The following NPAS2 variants were observed in gnomAD, a reference collection of about 807,000 sequenced individuals.
The protein encoded by NPAS2 is neuronal PAS domain protein 2.
Under a neutral mutation model 107.5 loss-of-function variants are expected in NPAS2, and 23 were observed. The observed-to-expected ratio is 0.21, with a 90% CI of 0.15 to 0.30. The LOEUF (loss-of-function observed/expected upper bound fraction) is 0.30. NPAS2 is among the 10% of genes least tolerant of loss of function. NPAS2 has a pLI of 1.00. For synonymous variants in NPAS2, 403 were observed against 417.5 expected (o/e 0.97, Z 0.42); for missense variants, 756 against 1,043.3 (o/e 0.72, Z 3.79).
chr2:100,988,240 G>T lies in NPAS2; in HGVS notation c.1791G>T (p.Gln597His). The T allele has an allele frequency of 6.2e-7, 1 of 1,614,024 alleles. No individual in the cohort carries two copies. Among genetic ancestry groups the T allele is most frequent in the Non-Finnish European group, 8.5e-7 (1 of 1,180,030 alleles). ...GQISSAQVTS[Q>H]HLLRESSVIS... ...TCTCCTCTGCCCAGGTCACAAGCCAGCACCTGCTCAGAGAATCAAGTGTGA... is the reference window on the plus strand; with the variant it reads ...TCTCCTCTGCCCAGGTCACAAGCCATCACCTGCTCAGAGAATCAAGTGTGA... Residue 597 changes from glutamine to histidine, a missense_variant, in exon 17 of 21, where the codon CAG becomes CAT. Around this residue, in one of 4 missense-constraint regions of NPAS2, gnomAD observed 496 missense variants for 594.4 expected, o/e 0.83. Coordinates refer to ENST00000335681, the MANE Select transcript of NPAS2 (RefSeq NM_002518.4).
chr2:100,947,270 G>T (rs1284486234), intron 5 of NPAS2, among the ~76,000 whole-genome samples: 1 of 152,150 alleles, frequency 6.6e-6, no homozygotes, highest in Non-Finnish European at 1.5e-5. Context: ...AATTAAATGG[G>T]CCAGGCTTGA....
chr2:100,856,607 A>T (rs1286982060), intron 1 of NPAS2, among the ~76,000 whole-genome samples: 1 of 151,400 alleles, frequency 6.6e-6, no homozygotes, highest in East Asian at 1.9e-4. Context: ...AGTGGAAATA[A>T]TGCTCACAGA....
At chr2:100,931,648 G>C (rs925387421) in intron 3 of NPAS2, among the ~76,000 whole-genome samples, 1 of 151,886 alleles carries the variant, frequency 6.6e-6, no homozygotes, top group East Asian at 1.9e-4. Flanking sequence ...CACCACTCCC[G>C]GCTAATATTT....
Position 100,925,251 on chromosome 2 carries a change from C to G in NPAS2, c.138C>G (p.Thr46=). ...GCAACACGCGGAAAATGGACAAAACCACCGTGTTGGAAAAGGTCATCGGAT... is the reference window on the plus strand; with the variant it reads ...GCAACACGCGGAAAATGGACAAAACGACCGTGTTGGAAAAGGTCATCGGAT... ...LPGNTRKMDK[T]TVLEKVIGFL... The change falls in exon 3 of 21, where the codon ACC becomes ACG. Residue 46 remains threonine (T), a synonymous_variant. Coordinates refer to ENST00000335681, the MANE Select transcript of NPAS2 (RefSeq NM_002518.4). The G allele has an allele frequency of 6.2e-7, 1 of 1,614,082 alleles. No individual in the cohort carries two copies. The highest frequency in any genetic ancestry group is 8.5e-7 in the Non-Finnish European group (1 of 1,179,982).
intron 19 of NPAS2, among the ~76,000 whole-genome samples, chr2:100,992,913 T>C (rs539317566): frequency 5.0e-4 from 76 of 152,064 alleles, no homozygotes; most frequent in Admixed American, 1.4e-3. Flanking sequence ...ATAGTGTCTT[T>C]TGATGGACAA....
intron 1 of NPAS2, among the ~76,000 whole-genome samples, chr2:100,858,531 A>G (rs1443671231): frequency 6.6e-6 from 1 of 152,052 alleles, no homozygotes; most frequent in Non-Finnish European, 1.5e-5. Context: ...CCCTTTCGTT[A>G]TGGGGAAGGC....
intron 1 of NPAS2, among the ~76,000 whole-genome samples, chr2:100,831,956 A>G (rs1265518343): frequency 1.3e-5 from 2 of 151,898 alleles, no homozygotes; most frequent in Non-Finnish European, 2.9e-5. Context: ...TTTACCCCCT[A>G]GCATGCTGAT....
intron 19 of NPAS2, among the ~76,000 whole-genome samples, chr2:100,992,683 G>C (rs1023525950): frequency 6.6e-6 from 1 of 152,220 alleles, no homozygotes; most frequent in Non-Finnish European, 1.5e-5. Context: ...AATGGCTACT[G>C]ATGCTGAGTA....
intron 5 of NPAS2, among the ~76,000 whole-genome samples, chr2:100,944,621 T>G (rs760623541): frequency 2.6e-5 from 4 of 152,222 alleles, no homozygotes; most frequent in African/African-American, 4.8e-5. Flanking sequence ...GGTTAAAAAT[T>G]TCAAGTTATC....
intron 1 of NPAS2, among the ~76,000 whole-genome samples, chr2:100,853,040 T>C (rs1409601886): frequency 6.6e-6 from 1 of 152,196 alleles, no homozygotes. Flanking sequence ...TAATTACTTA[T>C]CTTATAAACT....
intron 1 of NPAS2, among the ~76,000 whole-genome samples, chr2:100,902,136 G>T (rs1432050174): frequency 6.6e-6 from 1 of 151,986 alleles, no homozygotes; most frequent in African/African-American, 2.4e-5. Context: ...AAGAGTCATT[G>T]TCACCCCCTA....
rs114815540 is a variant in NPAS2 at position 100,845,312 on chromosome 2, C to T, written c.-23+24898C>T. 7.5e-3 allele frequency among the ~76,000 whole-genome samples: 1,148 copies of T among 152,224 alleles called. 16 individuals are homozygous for T. Among genetic ancestry groups the T allele is most frequent in the African/African-American group, 0.027 (1,106 of 41,528 alleles). The stretch of plus-strand genomic sequence containing the variant: ...GAGGTCTGACTTCTTCCAAGTCTGA[C>T]GTGGAGCAGGCTGGCTCCATGCTGA... On this transcript the variant is annotated intron_variant, in intron 1 of 20. Coordinates refer to ENST00000335681, the MANE Select transcript of NPAS2 (RefSeq NM_002518.4).
intron 7 of NPAS2, among the ~76,000 whole-genome samples, chr2:100,956,800 G>A (rs1004725751): frequency 8.5e-5 from 13 of 152,314 alleles, no homozygotes; most frequent in African/African-American, 9.6e-5. Context: ...TTGTCTGCTC[G>A]CCCACATGGC....
chr2:100,921,754 GT>G (rs1683241735), intron 2 of NPAS2, among the ~76,000 whole-genome samples: 1 of 152,176 alleles, frequency 6.6e-6, no homozygotes, highest in African/African-American at 2.4e-5. Flanking sequence ...TCAATGCACT[GT>G]ATGTCAGTGC....
At position 100,995,182 on chromosome 2, in the gene NPAS2, C is replaced by T. The variant is rs989676171; in HGVS notation, c.2293-218C>T. 9.0e-5 allele frequency: 43 copies of T among 477,162 alleles called. No homozygotes were observed. The East Asian group carries it at 9.5e-4, about 11-fold the overall frequency. 29.6% of individuals were successfully genotyped at this position (477,162 alleles called of 1,614,324 possible). On this transcript the variant is annotated intron_variant, in intron 20 of 20. Transcript: ENST00000335681. ...GGCCAGAAGGTGCCCCCACTATTGG[C>T]GGAGAACTTAGCTTCAGAATTCACC...
At chr2:100,825,377 C>T (rs567863994) in intron 1 of NPAS2, among the ~76,000 whole-genome samples, 12 of 152,168 alleles carry the variant, frequency 7.9e-5, no homozygotes, top group South Asian at 2.1e-4. Context: ...ATATATTTTC[C>T]GTTCAGTGTT....
intron 1 of NPAS2, among the ~76,000 whole-genome samples, chr2:100,866,529 T>C (rs192244087): frequency 3.3e-5 from 5 of 152,310 alleles, no homozygotes; most frequent in Admixed American, 3.3e-4. Context: ...CTTTCCAAAA[T>C]ACCATGTCTG....
At chr2:100,947,243 G>C (rs895992836) in intron 5 of NPAS2, among the ~76,000 whole-genome samples, 1 of 152,124 alleles carries the variant, frequency 6.6e-6, no homozygotes. Context: ...ACATGTGGCT[G>C]TTTAAATTTC....
At position 100,964,121 on chromosome 2, in the gene NPAS2, G is replaced by A; in HGVS notation, c.662G>A (p.Gly221Glu). ...TCAAGACCTTGCCGGGTGCCACTAG[G>A]AAAGGAGGTTTGCTTCATTGCCACC... is the stretch of plus-strand genomic sequence containing the variant. ...TLSRPCRVPL[G>E]KEVCFIATVR... is the part of the protein sequence containing the mutation. The change falls in exon 8 of 21, where the codon GGA becomes GAA. Residue 221 changes from glycine to glutamate, a missense_variant. By Grantham distance (98) the Gly-to-Glu change is moderately conservative. Coordinates refer to ENST00000335681, the MANE Select transcript of NPAS2 (RefSeq NM_002518.4). 2.5e-6 allele frequency: 4 copies of A among 1,614,156 alleles called. No homozygotes were observed. The South Asian group carries it at 3.3e-5, about 13-fold the overall frequency.
Sources: allele counts gnomAD v4.1 joint callset (sites outside exome capture counted in the v4.1 genomes callset), GRCh38; gene constraint gnomAD v4.1.1; regional missense constraint gnomAD v4.1.1; transcripts MANE v1.5; gene names NCBI Gene and HGNC (gene_info 2026-07-23, HGNC 2026-07-21).